ING3: variants seen among roughly 807,000 people sequenced by gnomAD.
ING3 encodes the protein inhibitor of growth family member 3, also known as inhibitor of growth protein 3.
In ING3, 6 loss-of-function variants were observed where a neutral mutation model predicts 64.8. That is an observed-to-expected ratio of 0.09 (90% CI 0.05 to 0.18). The LOEUF (loss-of-function observed/expected upper bound fraction) is 0.18. Ranked by LOEUF, ING3 falls within the 10% of genes least tolerant of loss-of-function variation. The pLI, the probability that ING3 is intolerant of heterozygous loss-of-function variation, is 1.00. For synonymous variants in ING3, 170 were observed against 173.7 expected (o/e 0.98, Z 0.17); for missense variants, 310 against 489.7 (o/e 0.63, Z 3.46).
In ING3 at chr7:120,963,539, G is replaced by T. The variant is rs533561342; in HGVS notation, c.268-1203G>T. 3.3e-5 allele frequency among the ~76,000 whole-genome samples: 5 copies of T among 152,082 alleles called. No individual in the cohort carries two copies. The East Asian group carries it at 7.7e-4, about 23-fold the overall frequency. On this transcript the variant is annotated intron_variant, in intron 4 of 11. Transcript: ENST00000315870. ...ATTTGTTACAAATAAAGTTAAATTTGGTTTCTGTAATGCATTAGCTATATG... is the reference window on the plus strand; with the variant it reads ...ATTTGTTACAAATAAAGTTAAATTTTGTTTCTGTAATGCATTAGCTATATG...
chr7:120,956,992 A>G (rs946038470), intron 4 of ING3: 7 of 358,258 alleles, frequency 2.0e-5, no homozygotes, highest in Non-Finnish European at 2.7e-5. Flanking sequence ...GTGTGTGTGT[A>G]TTCATCTCTT....
At chr7:120,951,530 C>G (rs1157901576) in intron 2 of ING3, among the ~76,000 whole-genome samples, 3 of 152,200 alleles carry the variant, frequency 2.0e-5, no homozygotes, top group Non-Finnish European at 4.4e-5. Context: ...ATCTATGTTT[C>G]AATGGACGTC....
At chr7:120,962,822 C>A (rs186291973) in intron 4 of ING3, among the ~76,000 whole-genome samples, 127 of 152,136 alleles carry the variant, frequency 8.3e-4, no homozygotes, top group South Asian at 6.2e-4. Context: ...TGTACAACTT[C>A]TGACTCTTTT....
intron 11 of ING3, 40 bp from the exon 12 acceptor site, chr7:120,974,688 G>A (rs1212775541): frequency 9.1e-7 from 1 of 1,098,522 alleles, no homozygotes; most frequent in African/African-American, 1.5e-5. Context: ...CTTGTCTTCA[G>A]AAGTACTGAA....
intron 3 of ING3, among the ~76,000 whole-genome samples, chr7:120,954,623 G>C (rs1251018399): frequency 6.6e-6 from 1 of 152,084 alleles, no homozygotes; most frequent in East Asian, 1.9e-4. Context: ...TGTGAGTAAA[G>C]ACATGTTATA....
At chr7:120,959,706 C>T (rs1031216304) in intron 4 of ING3, among the ~76,000 whole-genome samples, 3 of 130,074 alleles carry the variant, frequency 2.3e-5, no homozygotes, top group Non-Finnish European at 3.1e-5. Flanking sequence ...ACTGCAGTGG[C>T]GCTATCCCGG....
chr7:120,971,414 A>G (rs1163071063), intron 10 of ING3, among the ~76,000 whole-genome samples: 1 of 152,116 alleles, frequency 6.6e-6, no homozygotes, highest in Admixed American at 6.6e-5. Flanking sequence ...CCACCTCCTC[A>G]CAGGCCCTGT....
intron 4 of ING3, 52 bp from the exon 5 acceptor site, chr7:120,964,690 C>CT: frequency 8.3e-6 from 12 of 1,448,502 alleles, no homozygotes; most frequent in Non-Finnish European, 9.7e-6. Flanking sequence ...TAAGCTGACA[C>CT]TTTAACAGTG....
chr7:120,976,473 G>A lies in ING3; in HGVS notation c.*1629G>A, dbSNP rs1446755895. The A allele has an allele frequency of 6.6e-6, 1 of 152,084 alleles. No individual in the cohort carries two copies. Among genetic ancestry groups the A allele is most frequent in the Non-Finnish European group, 1.5e-5 (1 of 68,008 alleles). 9.4% of individuals were successfully genotyped at this position (152,084 alleles called of 1,614,324 possible). On this transcript the variant is annotated 3_prime_UTR_variant, in exon 12 of 12. Coordinates refer to ENST00000315870, the MANE Select transcript of ING3 (RefSeq NM_019071.3). ...CTAAACAAGTTAGGTTCATTTGTGA[G>A]TACTCATCATTTCATAATATCATGA...
chr7:120,954,539 C>A (rs10272601), intron 3 of ING3, among the ~76,000 whole-genome samples: 1 of 151,640 alleles, frequency 6.6e-6, no homozygotes, highest in East Asian at 1.9e-4. Flanking sequence ...GATTGTTTCT[C>A]TTAGGAAAAA....
chr7:120,951,406 C>A (rs1415892940), intron 2 of ING3, among the ~76,000 whole-genome samples, 171 bp downstream of exon 2: 1 of 152,202 alleles, frequency 6.6e-6, no homozygotes, highest in Non-Finnish European at 1.5e-5. Context: ...CCCCTTCCCT[C>A]CCATGCTACT....
At chr7:120,966,732 C>T (rs1234223560) in intron 6 of ING3, 35 bp downstream of exon 6, 5 of 1,408,650 alleles carry the variant, frequency 3.5e-6, no homozygotes, top group East Asian at 4.6e-5. Flanking sequence ...GTTTTAAAAA[C>T]AATGAAAACC....
intron 4 of ING3, 118 bp downstream of exon 4, chr7:120,955,742 T>G (rs1795836987): frequency 1.5e-6 from 1 of 687,430 alleles, no homozygotes; most frequent in Non-Finnish European, 2.6e-6. Context: ...ATTGCTCTCT[T>G]GATCACATCT....
At chr7:120,973,072 CTTG>C in intron 10 of ING3, 130 bp from the exon 11 acceptor site, 2 of 497,262 alleles carry the variant, frequency 4.0e-6, no homozygotes, top group Non-Finnish European at 7.4e-6. Flanking sequence ...ATTATTATAC[CTTG>C]ATTCTCAATG....
chr7:120,972,922 T>C (rs1377887404), intron 10 of ING3, among the ~76,000 whole-genome samples: 1 of 152,188 alleles, frequency 6.6e-6, no homozygotes, highest in Non-Finnish European at 1.5e-5. Flanking sequence ...ATTTTTACAA[T>C]AAGAACTACC....
chr7:120,966,543 A>G, intron 5 of ING3, 83 bp from the exon 6 acceptor site: 1 of 999,056 alleles, frequency 1.0e-6, no homozygotes, highest in South Asian at 1.3e-5. Context: ...GGGTAAGGGA[A>G]CTCATTGCCT....
chr7:120,952,522 T>G (rs1795782337), intron 2 of ING3, among the ~76,000 whole-genome samples: 1 of 152,202 alleles, frequency 6.6e-6, no homozygotes, highest in Admixed American at 6.5e-5. Flanking sequence ...AAACGTGCAT[T>G]TCTTTACAGT....
chr7:120,956,382 T>C, intron 4 of ING3: 4 of 1,326,382 alleles, frequency 3.0e-6, no homozygotes, highest in Non-Finnish European at 3.9e-6. Flanking sequence ...TTATGTTGTC[T>C]TTCCTGGGTA....
intron 10 of ING3, 135 bp downstream of exon 10, chr7:120,971,015 C>A: frequency 4.2e-6 from 4 of 946,580 alleles, no homozygotes; most frequent in Non-Finnish European, 6.2e-6. Flanking sequence ...CCCCTTCTTA[C>A]AAAAGTGACA....
Sources: gnomAD v4.1 joint callset for allele counts (sites outside exome capture counted in the v4.1 genomes callset) on GRCh38, gnomAD v4.1.1 for gene constraint, MANE v1.5 for transcripts, NCBI Gene and HGNC (gene_info 2026-07-23, HGNC 2026-07-21) for gene names.